Variants in PTPRN2 observed in about 807,000 individuals in gnomAD.
PTPRN2 encodes the protein protein tyrosine phosphatase receptor type N2.
Under a neutral mutation model 118.8 loss-of-function variants are expected in PTPRN2, and 74 were observed. The observed-to-expected ratio is 0.62, with a 90% CI of 0.52 to 0.76. The LOEUF (loss-of-function observed/expected upper bound fraction) is 0.76, where lower values mean the gene tolerates loss of function less well. PTPRN2 is among the 30% of genes least tolerant of loss of function. PTPRN2 has a pLI of 0.00. For missense variants in PTPRN2, 1,481 were observed against 1,394.4 expected, an observed-to-expected ratio of 1.06 and a Z score of -0.99; for synonymous variants, 641 against 608.0, an observed-to-expected ratio of 1.05 and a Z score of -0.80.
intron 1 of PTPRN2, among the ~76,000 whole-genome samples, chr7:158,499,941 A>T (rs879732318): frequency 6.0e-5 from 9 of 150,512 alleles, no homozygotes; most frequent in Non-Finnish European, 1.5e-5. Context: ...TTAAGACTGG[A>T]TGTATATTTA....
chr7:158,360,040 A>C (rs566865571), intron 2 of PTPRN2, among the ~76,000 whole-genome samples: 1,482 of 129,028 alleles, frequency 0.011, 258 homozygotes, highest in African/African-American at 0.048. Context: ...ACAGATCCCA[A>C]GTCCACCCAC....
chr7:158,218,526 T>A (rs1489290281), intron 3 of PTPRN2, among the ~76,000 whole-genome samples: 1 of 152,060 alleles, frequency 6.6e-6, no homozygotes, highest in African/African-American at 2.4e-5. Context: ...AACTATACAA[T>A]CAAGTTTACA....
At chr7:158,388,662 A>C (rs1191290205) in intron 2 of PTPRN2, among the ~76,000 whole-genome samples, 1 of 152,166 alleles carries the variant, frequency 6.6e-6, no homozygotes, top group Non-Finnish European at 1.5e-5. Flanking sequence ...TGATGGATTA[A>C]ATCACTGGCC....
At chr7:157,978,270 C>T (rs541567055) in intron 11 of PTPRN2, among the ~76,000 whole-genome samples, 21 of 152,074 alleles carry the variant, frequency 1.4e-4, no homozygotes, top group African/African-American at 5.1e-4. Flanking sequence ...CCGTGTGGTG[C>T]TGCCGCCATC....
intron 2 of PTPRN2, among the ~76,000 whole-genome samples, chr7:158,330,705 T>G (rs1483557716): frequency 8.8e-6 from 1 of 113,938 alleles, no homozygotes; most frequent in African/African-American, 2.8e-5. Context: ...ACATCCATAC[T>G]CTCACCATAA....
At position 157,814,645 on chromosome 7, in the gene PTPRN2, G is replaced by A. The variant is rs1480624675; in HGVS notation, c.1788+84028C>T. On this transcript the variant is annotated intron_variant, in intron 12 of 22. Coordinates refer to ENST00000389418, the MANE Select transcript of PTPRN2 (RefSeq NM_002847.5). ...CATATGGGGCCATCTGCCACCCTCT[G>A]CCCAAAATGTACGATTCACCATGGC... is the stretch of plus-strand genomic sequence containing the variant. Among the ~76,000 whole-genome samples, 3 of 152,180 alleles carry A rather than the reference G, an allele frequency of 2.0e-5. No individual in the cohort carries two copies. The East Asian group carries it at 5.8e-4, about 29-fold the overall frequency.
chr7:157,843,775 C>T (rs1487678743), intron 12 of PTPRN2, among the ~76,000 whole-genome samples: 3 of 152,232 alleles, frequency 2.0e-5, no homozygotes, highest in Admixed American at 1.3e-4. Flanking sequence ...TCGAAGGAAA[C>T]CTCTGCTCTG....
intron 2 of PTPRN2, among the ~76,000 whole-genome samples, chr7:158,404,939 C>T (rs1813282305): frequency 1.4e-5 from 2 of 146,404 alleles, no homozygotes; most frequent in African/African-American, 5.1e-5. Context: ...TCCCCGGCCC[C>T]AGCTCCCCAG....
chr7:157,606,368 G>C (rs938684688), intron 15 of PTPRN2, among the ~76,000 whole-genome samples: 1 of 152,226 alleles, frequency 6.6e-6, no homozygotes, highest in African/African-American at 2.4e-5. Context: ...GTGGGGTCCT[G>C]CCTGCCGCGT....
chr7:158,105,768 G>C (rs1008278292), intron 10 of PTPRN2, among the ~76,000 whole-genome samples: 6 of 150,838 alleles, frequency 4.0e-5, no homozygotes, highest in Non-Finnish European at 8.9e-5. Flanking sequence ...GTTCCATCCA[G>C]ATGCATGCCC....
chr7:158,572,651 C>A (rs1828109222), intron 1 of PTPRN2, among the ~76,000 whole-genome samples: 1 of 152,218 alleles, frequency 6.6e-6, no homozygotes, highest in East Asian at 1.9e-4. Flanking sequence ...GGTCTCTGCC[C>A]TCTGACTCAT....
intron 2 of PTPRN2, among the ~76,000 whole-genome samples, chr7:158,474,128 C>T (rs955789451): frequency 2.0e-5 from 3 of 152,204 alleles, no homozygotes; most frequent in Non-Finnish European, 2.9e-5. Flanking sequence ...AGCCCCCGTG[C>T]GGCCCCACTG....
At chr7:158,479,778 G>T (rs766223554) in intron 2 of PTPRN2, among the ~76,000 whole-genome samples, 2 of 152,186 alleles carry the variant, frequency 1.3e-5, no homozygotes, top group African/African-American at 2.4e-5. Flanking sequence ...TTGCATTCCC[G>T]GACCCTCCAG....
At chr7:157,817,736 G>A (rs1285946652) in intron 12 of PTPRN2, among the ~76,000 whole-genome samples, 1 of 152,214 alleles carries the variant, frequency 6.6e-6, no homozygotes, top group African/African-American at 2.4e-5. Context: ...TGTGGCCTGT[G>A]TGCATGCACG....
At chr7:158,341,351 A>T (rs1806731249) in intron 2 of PTPRN2, among the ~76,000 whole-genome samples, 1 of 150,022 alleles carries the variant, frequency 6.7e-6, no homozygotes, top group Admixed American at 6.6e-5. Flanking sequence ...TCTCACCATA[A>T]GAGGTAACAC....
rs724159884 is a variant in PTPRN2 at position 158,489,792 on chromosome 7, G to A, written c.113-7C>T. On this transcript the variant is annotated splice_region_variant and splice_polypyrimidine_tract_variant and intron_variant, in intron 1 of 22. Transcript: ENST00000389418. ...CCCTCCTCGAGCAGGCAGCCTGCGG[G>A]GAAACAGAGAAGAGACGCGGTCAGC... 6.4e-7 allele frequency: 1 copy of A among 1,572,510 alleles called. No individual in the cohort carries two copies. Among genetic ancestry groups the A allele is most frequent in the Non-Finnish European group, 8.6e-7 (1 of 1,159,566 alleles).
intron 11 of PTPRN2, among the ~76,000 whole-genome samples, chr7:158,034,526 T>C (rs536273459): frequency 7.2e-5 from 11 of 152,006 alleles, no homozygotes; most frequent in African/African-American, 2.7e-4. Context: ...CGGGACTTGC[T>C]CCTCCTTGCC....
intron 2 of PTPRN2, among the ~76,000 whole-genome samples, chr7:158,368,357 G>A (rs987338306): frequency 3.3e-5 from 5 of 152,158 alleles, no homozygotes; most frequent in Admixed American, 6.5e-5. Context: ...TTTTCTTAGC[G>A]ACTACCTAAA....
At chr7:158,404,348 A>G (rs1446679657) in intron 2 of PTPRN2, among the ~76,000 whole-genome samples, 1 of 152,152 alleles carries the variant, frequency 6.6e-6, no homozygotes, top group Admixed American at 6.5e-5. Flanking sequence ...CTGAGGAGAC[A>G]GAGATTCTGT....
Sources: allele counts gnomAD v4.1 joint callset (sites outside exome capture counted in the v4.1 genomes callset), GRCh38; gene constraint gnomAD v4.1.1; transcripts MANE v1.5; gene names NCBI Gene and HGNC (gene_info 2026-07-23, HGNC 2026-07-21).